The following OSBPL9 variants were observed in gnomAD, a reference collection of about 807,000 sequenced individuals.
OSBPL9 encodes the protein oxysterol-binding protein-related protein 9.
Under a neutral mutation model 106.6 loss-of-function variants are expected in OSBPL9, and 40 were observed. The ratio of observed to expected loss-of-function variants is 0.38; its 90% CI spans 0.29 to 0.49. The LOEUF is 0.49. Ranked by LOEUF, OSBPL9 falls within the 20% of genes least tolerant of loss-of-function variation. OSBPL9 has a pLI of 0.97. For synonymous variants in OSBPL9, 269 were observed against 295.4 expected, an observed-to-expected ratio of 0.91 and a Z score of 0.92; for missense variants, 609 against 887.2, an observed-to-expected ratio of 0.69 and a Z score of 3.98.
intron 11 of OSBPL9, among the ~76,000 whole-genome samples, chr1:51,763,754 T>A (rs1436559765): frequency 6.6e-6 from 1 of 152,208 alleles, no homozygotes; most frequent in Non-Finnish European, 1.5e-5. Flanking sequence ...ATAATGAAAT[T>A]GAAATATTTT....
chr1:51,539,229 C>T, the OSBPL9 span, among the ~76,000 whole-genome samples: 1 of 152,144 alleles, frequency 6.6e-6, no homozygotes, highest in African/African-American at 2.4e-5. Context: ...ACCTGCTTCG[C>T]CTCGAGTCCT....
chr1:51,568,960 G>A, the OSBPL9 span, among the ~76,000 whole-genome samples: 3 of 152,052 alleles, frequency 2.0e-5, no homozygotes, highest in African/African-American at 4.8e-5. Flanking sequence ...TGATCTACCC[G>A]CCTCAGCCCC....
the OSBPL9 span, among the ~76,000 whole-genome samples, chr1:51,570,766 G>A: frequency 2.0e-5 from 3 of 152,262 alleles, no homozygotes; most frequent in Admixed American, 6.5e-5. Context: ...GATCTGAGAA[G>A]TACTTTGTAA....
chr1:51,550,500 T>TTTTTA, the OSBPL9 span, among the ~76,000 whole-genome samples: 18 of 152,168 alleles, frequency 1.2e-4, no homozygotes, highest in Admixed American at 6.6e-4. Context: ...AATACATACG[T>TTTTTA]TTTTATTTTA....
intron 2 of OSBPL9, among the ~76,000 whole-genome samples, chr1:51,653,711 T>C (rs941789479): frequency 6.6e-6 from 1 of 152,254 alleles, no homozygotes; most frequent in Admixed American, 6.5e-5. Context: ...TTGAAGAATC[T>C]GGACCGGCTG....
At chr1:51,748,226 A>G (rs1014017074) in intron 6 of OSBPL9, 143 bp from the exon 7 acceptor site, 2 of 906,186 alleles carry the variant, frequency 2.2e-6, no homozygotes, top group Non-Finnish European at 3.0e-6. Context: ...AAATACAACA[A>G]AAAGTACTCC....
At chr1:51,697,408 C>T (rs1248833961) in intron 3 of OSBPL9, among the ~76,000 whole-genome samples, 1 of 141,404 alleles carries the variant, frequency 7.1e-6, no homozygotes, top group Non-Finnish European at 1.5e-5. Flanking sequence ...TTTTATTTCA[C>T]AATAACTTTC....
chr1:51,603,086 T>C (rs1645331997), intron 2 of OSBPL9, among the ~76,000 whole-genome samples: 1 of 152,060 alleles, frequency 6.6e-6, no homozygotes, highest in South Asian at 2.1e-4. Context: ...GCTCAGGAGG[T>C]TGAGGCTGCA....
chr1:51,575,999 T>A (rs957007882), upstream of OSBPL9, among the ~76,000 whole-genome samples: 1 of 152,230 alleles, frequency 6.6e-6, no homozygotes, highest in African/African-American at 2.4e-5. Flanking sequence ...CACAACTTAC[T>A]ATTCTTTGCC....
chr1:51,559,892 A>G, the OSBPL9 span, among the ~76,000 whole-genome samples: 1 of 152,150 alleles, frequency 6.6e-6, no homozygotes, highest in African/African-American at 2.4e-5. Context: ...AAGTGTATCC[A>G]CATTCTTCAA....
intron 3 of OSBPL9, among the ~76,000 whole-genome samples, chr1:51,706,258 T>C (rs1174264572): frequency 6.6e-6 from 1 of 152,248 alleles, no homozygotes; most frequent in Admixed American, 6.5e-5. Flanking sequence ...GGTACTTTCC[T>C]GTGGCCCAAC....
upstream of OSBPL9, among the ~76,000 whole-genome samples, chr1:51,612,207 C>T (rs1643992640): frequency 6.6e-6 from 1 of 152,184 alleles, no homozygotes; most frequent in Admixed American, 6.5e-5. Flanking sequence ...AACTGAAACT[C>T]TCTATTGCTT....
At chr1:51,619,211 A>C (rs1456146482) in intron 1 of OSBPL9, among the ~76,000 whole-genome samples, 1 of 152,232 alleles carries the variant, frequency 6.6e-6, no homozygotes, top group African/African-American at 2.4e-5. Flanking sequence ...GAGTGATTTC[A>C]GTGAGTGACA....
Position 51,786,640 on chromosome 1 carries a change from A to T in OSBPL9, c.2000+23A>T, listed in dbSNP as rs553280020. 6.9e-6 allele frequency: 11 copies of T among 1,586,564 alleles called. No individual in the cohort carries two copies. In the South Asian group the frequency reaches 7.8e-5, roughly 11 times the overall value. ...CAGGTAAGCCGACATTGTTAAGTGGAACTATTGCTGCAGTGCTTAAACTTT... is the reference window on the plus strand; with the variant it reads ...CAGGTAAGCCGACATTGTTAAGTGGTACTATTGCTGCAGTGCTTAAACTTT... On this transcript the variant is annotated intron_variant, in intron 22 of 23. Coordinates refer to ENST00000428468, the MANE Select transcript of OSBPL9 (RefSeq NM_024586.6).
chr1:51,532,676 T>C, the OSBPL9 span, among the ~76,000 whole-genome samples: 5 of 152,010 alleles, frequency 3.3e-5, no homozygotes, highest in African/African-American at 4.8e-5. Flanking sequence ...AGAGTTAGAT[T>C]GTGCAGGGTA....
chr1:51,593,667 C>T (rs1645287035), intron 1 of OSBPL9, among the ~76,000 whole-genome samples: 1 of 152,146 alleles, frequency 6.6e-6, no homozygotes, highest in Middle Eastern at 3.2e-3. Context: ...TGGGCTTATT[C>T]CCACCTTCCT....
At chr1:51,518,545 A>AG in the OSBPL9 span, 1 of 152,672 alleles carries the variant, frequency 6.5e-6, no homozygotes, top group East Asian at 1.9e-4. Flanking sequence ...AGGAGGGGGG[A>AG]GAGGCTGAAC....
intron 1 of OSBPL9, among the ~76,000 whole-genome samples, chr1:51,630,486 G>A (rs1385904558): frequency 2.0e-5 from 3 of 151,768 alleles, no homozygotes; most frequent in East Asian, 1.9e-4. Flanking sequence ...ATGTATCTAA[G>A]CATAGAAAAG....
chr1:51,727,340 TTATC>T (rs1430521513), intron 4 of OSBPL9, among the ~76,000 whole-genome samples: 7 of 152,194 alleles, frequency 4.6e-5, no homozygotes, highest in Non-Finnish European at 7.3e-5. Flanking sequence ...TTATTGTTAT[TTATC>T]AGAGAATTAA....
Sources: allele counts gnomAD v4.1 joint callset (sites outside exome capture counted in the v4.1 genomes callset), GRCh38; gene constraint gnomAD v4.1.1; transcripts MANE v1.5; gene names NCBI Gene and HGNC (gene_info 2026-07-23, HGNC 2026-07-21).